KIF15: variants seen among roughly 807,000 people sequenced by gnomAD.
KIF15 encodes the protein kinesin family member 15.
Under a neutral mutation model 190.6 loss-of-function variants are expected in KIF15, and 140 were observed. The ratio of observed to expected loss-of-function variants is 0.73; its 90% CI spans 0.64 to 0.84. KIF15 has a LOEUF of 0.84. Ranked by LOEUF, KIF15 falls within the 40% of genes least tolerant of loss-of-function variation. The pLI is 0.00. For missense variants in KIF15, 1,372 were observed against 1,584.4 expected, an observed-to-expected ratio of 0.87 and a Z score of 2.28; for synonymous variants, 528 against 551.3, an observed-to-expected ratio of 0.96 and a Z score of 0.59.
chr3:44,810,490 C>T (rs1159865478), intron 16 of KIF15, among the ~76,000 whole-genome samples: 1 of 152,078 alleles, frequency 6.6e-6, no homozygotes, highest in African/African-American at 2.4e-5. Flanking sequence ...GACTCCTGGC[C>T]TCAAGTGATC....
intron 20 of KIF15, among the ~76,000 whole-genome samples, chr3:44,824,724 A>G (rs1389084704): frequency 6.6e-6 from 1 of 152,162 alleles, no homozygotes; most frequent in Non-Finnish European, 1.5e-5. Context: ...CTACATACTT[A>G]AATTCTATTT....
intron 6 of KIF15, chr3:44,861,950 G>A: frequency 7.1e-7 from 1 of 1,407,838 alleles, no homozygotes; most frequent in East Asian, 3.0e-5. Flanking sequence ...GGGCCTCCGG[G>A]CGGCGCCGTG....
At chr3:44,784,476 C>A (rs1706316528) in intron 5 of KIF15, among the ~76,000 whole-genome samples, 1 of 152,118 alleles carries the variant, frequency 6.6e-6, no homozygotes, top group Non-Finnish European at 1.5e-5. Context: ...TCAGTTAATT[C>A]TTTCCAATAA....
intron 8 of KIF15, among the ~76,000 whole-genome samples, chr3:44,797,246 A>G (rs1460463641): frequency 6.6e-6 from 1 of 151,982 alleles, no homozygotes; most frequent in Admixed American, 6.6e-5. Flanking sequence ...CCAGGCTGGT[A>G]TCCAACTCCT....
intron 17 of KIF15, among the ~76,000 whole-genome samples, 178 bp downstream of exon 17, chr3:44,811,221 G>A (rs1413943513): frequency 6.6e-6 from 1 of 152,064 alleles, no homozygotes. Flanking sequence ...CTTGCTTTTT[G>A]TCTCTACTTT....
chr3:44,808,408 GAC>G (rs1037933647), intron 16 of KIF15, among the ~76,000 whole-genome samples: 2 of 152,118 alleles, frequency 1.3e-5, no homozygotes, highest in Non-Finnish European at 2.9e-5. Context: ...TTAAAAGAAA[GAC>G]ACATATTTCA....
chr3:44,858,109 A>C (rs1575699614), downstream of KIF15, among the ~76,000 whole-genome samples: 7 of 152,312 alleles, frequency 4.6e-5, no homozygotes, highest in Admixed American at 6.5e-5. Flanking sequence ...AGTCCAGGTA[A>C]AAGCAGAGGC....
rs768454890 is a variant in KIF15 at position 44,852,322 on chromosome 3, A to G, written c.4087A>G (p.Asn1363Asp). 6.2e-7 allele frequency: 1 copy of G among 1,610,512 alleles called. No homozygotes were observed. The highest frequency in any genetic ancestry group is 1.7e-5 in the Admixed American group (1 of 59,734). The change falls in exon 34 of 35, where the codon AAT becomes GAT. Residue 1363 changes from asparagine (N) to aspartate (D), a missense_variant. Physicochemically the swap from Asn to Asp is conservative, Grantham distance 23. Coordinates refer to ENST00000326047, the MANE Select transcript of KIF15 (RefSeq NM_020242.3). ...GTACGTAGTGCGACTAAAGAAGGAA[A>G]ATGTCAGGCTTGCTGAGGTAAACCT... Reference protein sequence around the residue: ...IQYVVRLKKENVRLAEETEKL... With the variant: ...IQYVVRLKKEDVRLAEETEKL...
At position 44,852,283 on chromosome 3, in the gene KIF15, C is replaced by T; in HGVS notation, c.4048C>T (p.His1350Tyr). 6.2e-7 allele frequency: 1 copy of T among 1,613,332 alleles called. No individual in the cohort carries two copies. The highest frequency in any genetic ancestry group is 8.5e-7 in the Non-Finnish European group (1 of 1,179,478). ...NGKLVGHQNLHQKIQYVVRLK... is the reference protein window; with the variant it reads ...NGKLVGHQNLYQKIQYVVRLK... ...AAAGTTGGTAGGTCACCAAAATTTG[C>T]ATCAGAAGATTCAGTACGTAGTGCG... is the stretch of plus-strand genomic sequence containing the variant. Residue 1350 changes from histidine (H) to tyrosine (Y), a missense_variant, in exon 34 of 35, where the codon CAT becomes TAT. His to Tyr is a moderately conservative substitution (Grantham distance 83, BLOSUM62 2). Coordinates refer to ENST00000326047, the MANE Select transcript of KIF15 (RefSeq NM_020242.3).
At chr3:44,817,070 C>T (rs1406879177) in intron 20 of KIF15, among the ~76,000 whole-genome samples, 2 of 151,996 alleles carry the variant, frequency 1.3e-5, no homozygotes, top group Admixed American at 6.6e-5. Context: ...ATCCTTTGCC[C>T]ACTTTTTGAT....
chr3:44,763,711 T>C (rs929972714), intron 1 of KIF15, among the ~76,000 whole-genome samples: 1 of 150,966 alleles, frequency 6.6e-6, no homozygotes, highest in Non-Finnish European at 1.5e-5. Context: ...TTAAAGACAG[T>C]GTTGCTCTGT....
Position 44,800,418 on chromosome 3 carries a change from A to G in KIF15, c.1203A>G (p.Pro401=). 1 of 1,614,106 alleles carries G rather than the reference A, an allele frequency of 6.2e-7. No individual in the cohort carries two copies. Among genetic ancestry groups the G allele is most frequent in the Non-Finnish European group, 8.5e-7 (1 of 1,179,992 alleles). The change falls in exon 11 of 35, where the codon CCA becomes CCG. Residue 401 remains proline, a synonymous_variant. Transcript: ENST00000326047. ...AGCTTGCTTCAGGACAGACACCACC[A>G]GAAAGCTTCCTGACCAGAGGTAGGA... ...LAELASGQTP[P]ESFLTRDKKK... is the part of the protein sequence containing the mutation.
At chr3:44,827,618 G>T in intron 23 of KIF15, 90 bp downstream of exon 23, 1 of 680,810 alleles carries the variant, frequency 1.5e-6, no homozygotes, top group Non-Finnish European at 2.4e-6. Flanking sequence ...ATTTCAGCTT[G>T]CAGATGTTGG....
chr3:44,822,355 G>A (rs1697389088), intron 20 of KIF15, among the ~76,000 whole-genome samples: 1 of 152,226 alleles, frequency 6.6e-6, no homozygotes, highest in Admixed American at 6.5e-5. Context: ...GGCTTGTAGA[G>A]TTTCTGCTGA....
chr3:44,779,694 C>T (rs1443797254), intron 4 of KIF15, among the ~76,000 whole-genome samples: 2 of 151,716 alleles, frequency 1.3e-5, no homozygotes, highest in African/African-American at 2.4e-5. Flanking sequence ...ATTAGCCGGG[C>T]GTGGTGGCAG....
chr3:44,789,161 G>A (rs1333259311), intron 7 of KIF15, among the ~76,000 whole-genome samples: 3 of 151,998 alleles, frequency 2.0e-5, no homozygotes, highest in Non-Finnish European at 4.4e-5. Flanking sequence ...TTCTTAAGCT[G>A]GATGTTTACT....
downstream of KIF15, among the ~76,000 whole-genome samples, chr3:44,854,415 T>C (rs1575698060): frequency 6.7e-6 from 1 of 150,244 alleles, no homozygotes; most frequent in Non-Finnish European, 1.5e-5. Context: ...AATGGGTGAA[T>C]TTTAATAAAA....
intron 20 of KIF15, among the ~76,000 whole-genome samples, chr3:44,819,136 T>G (rs1388314915): frequency 6.6e-6 from 1 of 152,204 alleles, no homozygotes; most frequent in South Asian, 2.1e-4. Flanking sequence ...TTCTCTCTTT[T>G]CTTCTTTATT....
In KIF15 at chr3:44,801,909, C is replaced by A; in HGVS notation, c.1444C>A (p.Leu482Met). 1 of 1,613,972 alleles carries A rather than the reference C, an allele frequency of 6.2e-7. No individual in the cohort carries two copies. The highest frequency in any genetic ancestry group is 8.5e-7 in the Non-Finnish European group (1 of 1,179,926). Residue 482 changes from leucine (L) to methionine (M), a missense_variant, in exon 13 of 35, where the codon CTG becomes ATG. Transcript: ENST00000326047. ...CCACAAGGAATCCCGGGGAGGTTTT[C>A]TGCCTGAGGAGCAGGATCGTTTGCT... ...KLHKESRGGF[L>M]PEEQDRLLSE...
Sources: gnomAD v4.1 joint callset for allele counts (sites outside exome capture counted in the v4.1 genomes callset) on GRCh38, gnomAD v4.1.1 for gene constraint, MANE v1.5 for transcripts, NCBI Gene and HGNC (gene_info 2026-07-23, HGNC 2026-07-21) for gene names.